BCAS3: variants seen among roughly 807,000 people sequenced by gnomAD.
BCAS3 encodes the protein BCAS3 microtubule associated cell migration factor, also known as BCAS4/BCAS3 fusion.
In BCAS3, 53 loss-of-function variants were observed where a neutral mutation model predicts 116.1. The ratio of observed to expected loss-of-function variants is 0.46; its 90% confidence interval spans 0.37 to 0.57. The LOEUF (loss-of-function observed/expected upper bound fraction) is 0.57. Ranked by LOEUF, BCAS3 falls within the 20% of genes least tolerant of loss-of-function variation. The probability of loss-of-function intolerance (pLI) is 0.00; values close to 1 mark genes in which losing one functional copy is unlikely to be tolerated. For synonymous variants in BCAS3, 391 were observed against 408.2 expected, an observed-to-expected ratio of 0.96 and a Z score of 0.51; for missense variants, 917 against 1,165.4, an observed-to-expected ratio of 0.79 and a Z score of 3.10.
chr17:60,747,165 C>T, intron 5 of BCAS3, 33 bp from the exon 6 acceptor site: 1 of 1,454,964 alleles, frequency 6.9e-7, no homozygotes, highest in Non-Finnish European at 9.6e-7. Context: ...CTTCATTTTC[C>T]CACTGAAATA....
chr17:60,760,109 T>G (rs12602915), intron 6 of BCAS3, among the ~76,000 whole-genome samples: 110,424 of 152,198 alleles, frequency 0.73, 45,785 homozygotes, highest in South Asian at 0.98. Flanking sequence ...ATCATACTTG[T>G]ATCATGTTTC....
At chr17:60,728,165 C>T (rs1438102021) in intron 5 of BCAS3, among the ~76,000 whole-genome samples, 1 of 152,044 alleles carries the variant, frequency 6.6e-6, no homozygotes, top group Non-Finnish European at 1.5e-5. Context: ...TGACAGGTAT[C>T]CACCATTGTA....
At chr17:60,805,838 G>A (rs1277103049) in intron 6 of BCAS3, among the ~76,000 whole-genome samples, 2 of 148,560 alleles carry the variant, frequency 1.3e-5, no homozygotes, top group Admixed American at 6.7e-5. Flanking sequence ...AAAAAAAAAA[G>A]AGAAGTGACT....
chr17:61,144,540 A>G lies in BCAS3; in HGVS notation c.2425+59976A>G, dbSNP rs907472466. Among the ~76,000 whole-genome samples, 5 of 152,342 alleles carry G rather than the reference A, an allele frequency of 3.3e-5. No homozygotes were observed. Among genetic ancestry groups the G allele is most frequent in the African/African-American group, 1.2e-4 (5 of 41,594 alleles). On this transcript the variant is annotated intron_variant, in intron 22 of 23. Coordinates refer to ENST00000407086, the MANE Select transcript of BCAS3 (RefSeq NM_017679.5). This position sits in a 1 kb window ranked among gnomAD's most constrained non-coding sequence, Gnocchi z 5.0. The stretch of plus-strand genomic sequence containing the variant: ...TTAGGCCTAAAATGTTGACTACTTT[A>G]TCTCTGTTACCTTTCTGAAATGTTT...
At chr17:60,817,248 A>T (rs1402804213) in intron 7 of BCAS3, among the ~76,000 whole-genome samples, 1 of 152,170 alleles carries the variant, frequency 6.6e-6, no homozygotes, top group Admixed American at 6.5e-5. Context: ...TTGGAAAGGG[A>T]TAATGTTTAT....
At chr17:61,351,398 A>G (rs577056909) in intron 22 of BCAS3, among the ~76,000 whole-genome samples, 1 of 152,242 alleles carries the variant, frequency 6.6e-6, no homozygotes, top group Non-Finnish European at 1.5e-5. Context: ...ACCGAAGGCC[A>G]GCTGGCTTCT....
At chr17:60,947,467 G>C (rs2060570160) in intron 14 of BCAS3, 115 bp downstream of exon 14, 2 of 1,181,060 alleles carry the variant, frequency 1.7e-6, no homozygotes, top group Non-Finnish European at 2.3e-6. Flanking sequence ...AAATATTGCT[G>C]TCTGTGATAG....
chr17:60,776,266 C>A (rs1470077005), intron 6 of BCAS3, among the ~76,000 whole-genome samples: 1 of 152,118 alleles, frequency 6.6e-6, no homozygotes, highest in Non-Finnish European at 1.5e-5. Flanking sequence ...ACTCTCTAAT[C>A]AGAATGACTC....
intron 23 of BCAS3, among the ~76,000 whole-genome samples, chr17:61,372,967 C>T (rs1451922055): frequency 6.6e-6 from 1 of 152,156 alleles, no homozygotes; most frequent in African/African-American, 2.4e-5. Context: ...AGTACATTTT[C>T]TCTTTCGACT....
At position 61,292,948 on chromosome 17, in the gene BCAS3, C is replaced by T. The variant is rs189804981; in HGVS notation, c.2426-75379C>T. 1.6e-3 allele frequency among the ~76,000 whole-genome samples: 236 copies of T among 152,234 alleles called. 2 individuals are homozygous for T. The highest frequency in any genetic ancestry group is 5.6e-3 in the African/African-American group (234 of 41,550). On this transcript the variant is annotated intron_variant, in intron 22 of 23. Transcript: ENST00000407086. ...AAAATCTCCAATTAAATCATATAAACGTAAGCAATAACCAATGTTCAAATA... is the reference window on the plus strand; with the variant it reads ...AAAATCTCCAATTAAATCATATAAATGTAAGCAATAACCAATGTTCAAATA...
chr17:61,012,605 C>G lies in BCAS3; in HGVS notation c.1487-3146C>G, dbSNP rs1030967860. ...CATTAATATGTAAGACAGACACCAC[C>G]CCTACGAACATAAACATGAATGTAA... On this transcript the variant is annotated intron_variant, in intron 15 of 23. Transcript: ENST00000407086. This position sits in a 1 kb window ranked among gnomAD's most constrained non-coding sequence, Gnocchi z 4.5. 2.0e-5 allele frequency among the ~76,000 whole-genome samples: 3 copies of G among 151,924 alleles called. No individual in the cohort carries two copies. The highest frequency in any genetic ancestry group is 7.2e-5 in the African/African-American group (3 of 41,388).
intron 22 of BCAS3, among the ~76,000 whole-genome samples, chr17:61,115,241 G>T (rs2143766879): frequency 6.6e-6 from 1 of 152,268 alleles, no homozygotes; most frequent in East Asian, 1.9e-4. Context: ...TTGACAAATG[G>T]AATCTAATTA....
chr17:60,924,795 A>G (rs2059286740), intron 13 of BCAS3, among the ~76,000 whole-genome samples: 1 of 151,996 alleles, frequency 6.6e-6, no homozygotes, highest in Non-Finnish European at 1.5e-5. Context: ...GAACTTCAGT[A>G]TTCCAAACTA....
chr17:61,385,242 G>T (rs1285958863), intron 23 of BCAS3, among the ~76,000 whole-genome samples: 5 of 152,210 alleles, frequency 3.3e-5, no homozygotes, highest in African/African-American at 1.2e-4. Flanking sequence ...ACCTCTCCAG[G>T]TGCCAGCGCC....
chr17:61,328,586 C>T lies in BCAS3; in HGVS notation c.2426-39741C>T, dbSNP rs538765182. Among the ~76,000 whole-genome samples, 8 of 152,122 alleles carry T rather than the reference C, an allele frequency of 5.3e-5. No individual in the cohort carries two copies. In the East Asian group the frequency reaches 1.4e-3, roughly 26 times the overall value. ...GTTCAAGACCAGCCTGGCAACATGG[C>T]GAAACTCCGTCTCTACAAAAAATAT... is the stretch of plus-strand genomic sequence containing the variant. On this transcript the variant is annotated intron_variant, in intron 22 of 23. Coordinates refer to ENST00000407086, the MANE Select transcript of BCAS3 (RefSeq NM_017679.5).
At chr17:61,172,708 G>A (rs567917234) in intron 22 of BCAS3, among the ~76,000 whole-genome samples, 7 of 150,206 alleles carry the variant, frequency 4.7e-5, no homozygotes, top group East Asian at 2.0e-4. Context: ...AGGATTGGCT[G>A]GGCGCGGTGG....
intron 8 of BCAS3, among the ~76,000 whole-genome samples, chr17:60,870,986 ATT>A (rs1470604907): frequency 2.0e-5 from 3 of 152,198 alleles, no homozygotes; most frequent in Admixed American, 6.5e-5. Flanking sequence ...TGCCTTGATA[ATT>A]TGTCATTTAT....
chr17:60,831,225 G>A (rs2050892612), intron 7 of BCAS3, among the ~76,000 whole-genome samples: 1 of 152,000 alleles, frequency 6.6e-6, no homozygotes, highest in Non-Finnish European at 1.5e-5. Flanking sequence ...CAACCAGGCT[G>A]GAGTGTAGTG....
At chr17:60,963,555 A>ATTT (rs148722954) in intron 14 of BCAS3, among the ~76,000 whole-genome samples, 1 of 126,060 alleles carries the variant, frequency 7.9e-6, no homozygotes, top group African/African-American at 3.3e-5. Context: ...AATGCTATCG[A>ATTT]TTTTTTTTTT....
Sources: allele counts gnomAD v4.1 joint callset (sites outside exome capture counted in the v4.1 genomes callset), GRCh38; gene constraint gnomAD v4.1.1; non-coding constraint Gnocchi (gnomAD v3.1); transcripts MANE v1.5; gene names NCBI Gene and HGNC (gene_info 2026-07-23, HGNC 2026-07-21).